TAFA1: variants seen among roughly 807,000 people sequenced by gnomAD.
TAFA1 encodes chemokine-like protein TAFA-1.
A neutral mutation model predicts 18.5 loss-of-function variants in TAFA1; 4 were observed. That is an observed-to-expected ratio of 0.22 (90% CI 0.11 to 0.49). TAFA1 has a LOEUF of 0.49. Among genes scored for constraint, TAFA1 ranks in the 20% least tolerant of loss-of-function variants. The probability of loss-of-function intolerance (pLI) is 0.98; values close to 1 mark genes in which losing one functional copy is unlikely to be tolerated. For missense variants in TAFA1, 147 were observed against 169.0 expected (o/e 0.87, Z 0.72); for synonymous variants, 56 against 55.2 (o/e 1.01, Z -0.06).
chr3:68,014,194 G>A (rs1399037611), intron 2 of TAFA1, among the ~76,000 whole-genome samples: 1 of 152,196 alleles, frequency 6.6e-6, no homozygotes, highest in Admixed American at 6.5e-5. Context: ...CAGAATGTCA[G>A]CTCCTAGATT....
intron 2 of TAFA1, among the ~76,000 whole-genome samples, chr3:68,073,759 C>G (rs2064787062): frequency 6.6e-6 from 1 of 151,982 alleles, no homozygotes; most frequent in African/African-American, 2.4e-5. Flanking sequence ...GTAGGAGTAG[C>G]TACAGTAGAA....
At chr3:68,425,935 T>C (rs1190371421) in intron 3 of TAFA1, among the ~76,000 whole-genome samples, 3 of 151,900 alleles carry the variant, frequency 2.0e-5, no homozygotes, top group Admixed American at 2.0e-4. Flanking sequence ...CACTAGGCTC[T>C]GACAGGTTGA....
At chr3:68,473,125 C>T (rs969866260) in intron 3 of TAFA1, among the ~76,000 whole-genome samples, 3 of 152,186 alleles carry the variant, frequency 2.0e-5, no homozygotes, top group African/African-American at 4.8e-5. Context: ...AAGCACTGCC[C>T]ATTACCTCAG....
chr3:68,149,690 C>T (rs1030257599), intron 2 of TAFA1, among the ~76,000 whole-genome samples: 5 of 152,202 alleles, frequency 3.3e-5, no homozygotes, highest in Non-Finnish European at 5.9e-5. Context: ...CCAAACACCT[C>T]GGATTAGACT....
chr3:68,082,088 C>T (rs962426522), intron 2 of TAFA1, among the ~76,000 whole-genome samples: 3 of 152,308 alleles, frequency 2.0e-5, no homozygotes, highest in African/African-American at 4.8e-5. Flanking sequence ...AGTTGCCGTC[C>T]GTCACCCCTT....
intron 2 of TAFA1, among the ~76,000 whole-genome samples, chr3:68,184,602 C>G (rs766964487): frequency 3.3e-5 from 5 of 152,078 alleles, no homozygotes; most frequent in Non-Finnish European, 7.4e-5. Context: ...TAAAGCAGGA[C>G]TATTGATTAG....
intron 3 of TAFA1, among the ~76,000 whole-genome samples, chr3:68,489,395 T>G (rs2072409574): frequency 6.6e-6 from 1 of 152,200 alleles, no homozygotes; most frequent in Non-Finnish European, 1.5e-5. Context: ...TTTTCATTAT[T>G]AAATGTTTAA....
Position 68,532,819 on chromosome 3 carries a change from T to C in TAFA1, c.260-5937T>C, listed in dbSNP as rs920495523. On this transcript the variant is annotated intron_variant, in intron 3 of 4. Coordinates refer to ENST00000478136, the MANE Select transcript of TAFA1 (RefSeq NM_213609.4). ...CTCTCATTGTAAATTTTTTTTTAAA[T>C]TGCAGAAATAAAATGAGTTTATGAA... Among the ~76,000 whole-genome samples the C allele has an allele frequency of 5.3e-5, 8 of 151,810 alleles. No homozygotes were observed. The South Asian group carries it at 1.0e-3, about 20-fold the overall frequency.
chr3:68,525,652 A>G (rs2073101669), intron 3 of TAFA1, among the ~76,000 whole-genome samples: 1 of 152,204 alleles, frequency 6.6e-6, no homozygotes, highest in Admixed American at 6.5e-5. Flanking sequence ...CAACTATCAA[A>G]TTATTTTGCC....
intron 3 of TAFA1, among the ~76,000 whole-genome samples, chr3:68,474,095 A>T (rs147501011): frequency 1.4e-5 from 2 of 145,576 alleles, no homozygotes; most frequent in East Asian, 2.1e-4. Context: ...CTACTTCTTG[A>T]CTACAGTTTA....
Position 68,423,190 on chromosome 3 carries a change from A to C in TAFA1, c.259+5770A>C, listed in dbSNP as rs182634693. 7.6e-4 allele frequency among the ~76,000 whole-genome samples: 116 copies of C among 152,262 alleles called. 5 individuals are homozygous for C. The South Asian group carries it at 0.023, about 30-fold the overall frequency. Reference sequence around the variant, plus strand: ...AACATAATTAATACCAGTAATAATAATAAAAATAATGTTTACCATTTTTTA... The same window carrying C: ...AACATAATTAATACCAGTAATAATACTAAAAATAATGTTTACCATTTTTTA... On this transcript the variant is annotated intron_variant, in intron 3 of 4. Coordinates refer to ENST00000478136, the MANE Select transcript of TAFA1 (RefSeq NM_213609.4).
chr3:68,308,903 G>A (rs2068468784), intron 2 of TAFA1, among the ~76,000 whole-genome samples: 1 of 152,114 alleles, frequency 6.6e-6, no homozygotes, highest in Non-Finnish European at 1.5e-5. Flanking sequence ...TACACAGCTT[G>A]AATGATCTTC....
intron 2 of TAFA1, among the ~76,000 whole-genome samples, chr3:68,060,078 A>C (rs536461345): frequency 1.2e-4 from 19 of 152,024 alleles, no homozygotes; most frequent in African/African-American, 2.7e-4. Flanking sequence ...GGAAAAAAAA[A>C]ACACACACAC....
chr3:68,106,980 A>T (rs534696163), intron 2 of TAFA1, among the ~76,000 whole-genome samples: 32 of 152,282 alleles, frequency 2.1e-4, no homozygotes, highest in African/African-American at 7.7e-4. Context: ...CATTGTTGGT[A>T]GGAATGCAAA....
rs1277250745 is a variant in TAFA1, at chr3:68,305,415, ATAT to A, written c.119-111864_119-111862del. Among the ~76,000 whole-genome samples, 24 of 29,864 alleles carry A rather than the reference ATAT, an allele frequency of 8.0e-4. 1 individual carries two copies. The highest frequency in any genetic ancestry group is 4.8e-3 in the South Asian group (5 of 1,052). 19.6% of individuals were successfully genotyped at this position (29,864 alleles called of 152,430 possible). On this transcript the variant is annotated intron_variant, in intron 2 of 4. Coordinates refer to ENST00000478136, the MANE Select transcript of TAFA1 (RefSeq NM_213609.4). ...ACTATATATGACTATATGACTATAT[ATAT>A]ATATATATATATATATATATATATA...
At chr3:68,482,715 A>G (rs2072260974) in intron 3 of TAFA1, among the ~76,000 whole-genome samples, 3 of 152,188 alleles carry the variant, frequency 2.0e-5, no homozygotes, top group Admixed American at 1.3e-4. Flanking sequence ...TGACATTAAC[A>G]TAGTTCTGAG....
intron 2 of TAFA1, among the ~76,000 whole-genome samples, chr3:68,219,543 G>C (rs1365315341): frequency 6.6e-6 from 1 of 151,990 alleles, no homozygotes; most frequent in East Asian, 1.9e-4. Flanking sequence ...CTGGCTGTTG[G>C]CCAGGGATCA....
At chr3:68,276,805 G>C (rs1049901738) in intron 2 of TAFA1, among the ~76,000 whole-genome samples, 2 of 152,098 alleles carry the variant, frequency 1.3e-5, no homozygotes, top group African/African-American at 4.8e-5. Context: ...TTTGTGGAGG[G>C]AGGGAGGAGG....
rs2106812022 is a variant in TAFA1, at chr3:68,369,811, T to G, written c.119-47469T>G. On this transcript the variant is annotated intron_variant, in intron 2 of 4. Coordinates refer to ENST00000478136, the MANE Select transcript of TAFA1 (RefSeq NM_213609.4). ...ATGGTGTGCACATTTGCACATTCTA[T>G]TAGAAAAAAACCAGATTCCCTCTCA... 2.0e-5 allele frequency among the ~76,000 whole-genome samples: 3 copies of G among 152,258 alleles called. No individual in the cohort carries two copies. In the South Asian group the frequency reaches 6.2e-4, roughly 32 times the overall value.
Sources: gnomAD v4.1 joint callset for allele counts (sites outside exome capture counted in the v4.1 genomes callset) on GRCh38, gnomAD v4.1.1 for gene constraint, MANE v1.5 for transcripts, NCBI Gene and HGNC (gene_info 2026-07-23, HGNC 2026-07-21) for gene names.